Variants in SPAG16 observed in about 807,000 individuals in gnomAD.
SPAG16 encodes sperm-associated antigen 16 protein.
In SPAG16, 86 loss-of-function variants were observed where a neutral mutation model predicts 80.4. The observed-to-expected ratio is 1.07, with a 90% CI of 0.90 to 1.28. The LOEUF is 1.28. SPAG16 is among the 50% of genes most tolerant of loss of function. The pLI is 0.00. For synonymous variants in SPAG16, 294 were observed against 265.9 expected, an observed-to-expected ratio of 1.11 and a Z score of -1.03; for missense variants, 870 against 765.3, an observed-to-expected ratio of 1.14 and a Z score of -1.61.
chr2:213,715,864 G>T (rs555779828), intron 10 of SPAG16, among the ~76,000 whole-genome samples: 4 of 152,074 alleles, frequency 2.6e-5, no homozygotes, highest in Non-Finnish European at 4.4e-5. Context: ...ATTTTGTCAT[G>T]ATGCAAGTGA....
At chr2:214,053,733 A>G (rs1043400793) in intron 13 of SPAG16, among the ~76,000 whole-genome samples, 2 of 152,214 alleles carry the variant, frequency 1.3e-5, no homozygotes, top group Admixed American at 6.5e-5. Flanking sequence ...AAACAGAGGC[A>G]GAAAGAAGTA....
chr2:213,544,935 G>C (rs1244950317), intron 10 of SPAG16, among the ~76,000 whole-genome samples: 2 of 152,092 alleles, frequency 1.3e-5, no homozygotes, highest in Non-Finnish European at 2.9e-5. Flanking sequence ...AGGACAGCTT[G>C]GTTGCTTCCA....
intron 13 of SPAG16, among the ~76,000 whole-genome samples, chr2:214,024,318 A>G (rs1354973555): frequency 2.0e-5 from 3 of 151,682 alleles, no homozygotes; most frequent in African/African-American, 7.2e-5. Context: ...TTTATTCATT[A>G]CTGAAATGGC....
At position 213,326,133 on chromosome 2, in the gene SPAG16, A is replaced by C. The variant is rs547566440; in HGVS notation, c.536+8777A>C. The stretch of plus-strand genomic sequence containing the variant: ...AAAGGCTTTGTTGAGAGCCCTGAAG[A>C]AAATAATACTGATTGGGATTACTAA... On this transcript the variant is annotated intron_variant, in intron 5 of 15. Transcript: ENST00000331683. Among the ~76,000 whole-genome samples, 3 of 152,154 alleles carry C rather than the reference A, an allele frequency of 2.0e-5. No homozygotes were observed. In the South Asian group the frequency reaches 6.2e-4, roughly 31 times the overall value.
chr2:213,908,575 T>A (rs1165472994), intron 11 of SPAG16, among the ~76,000 whole-genome samples: 1 of 152,170 alleles, frequency 6.6e-6, no homozygotes, highest in African/African-American at 2.4e-5. Flanking sequence ...ACCTCTCTCA[T>A]TCGACGAGAA....
At chr2:214,199,766 A>G (rs956543788) in intron 15 of SPAG16, among the ~76,000 whole-genome samples, 10 of 152,080 alleles carry the variant, frequency 6.6e-5, no homozygotes, top group African/African-American at 2.2e-4. Context: ...TGTATCATCT[A>G]TGATTTCTTT....
chr2:213,674,332 T>G (rs891068416), intron 10 of SPAG16, among the ~76,000 whole-genome samples: 1 of 152,134 alleles, frequency 6.6e-6, no homozygotes, highest in African/African-American at 2.4e-5. Flanking sequence ...AAAGTCATTG[T>G]AATCTAAAAT....
At chr2:214,198,313 T>C (rs977542037) in intron 15 of SPAG16, among the ~76,000 whole-genome samples, 1 of 152,104 alleles carries the variant, frequency 6.6e-6, no homozygotes, top group Non-Finnish European at 1.5e-5. Flanking sequence ...TGCATACTCA[T>C]AGTTTAGCTT....
intron 10 of SPAG16, among the ~76,000 whole-genome samples, chr2:213,828,817 G>C (rs566086900): frequency 2.6e-4 from 39 of 152,178 alleles, no homozygotes; most frequent in Non-Finnish European, 4.7e-4. Context: ...TCTTGGATAA[G>C]ATTCAAAAGA....
intron 15 of SPAG16, among the ~76,000 whole-genome samples, chr2:214,317,357 C>T (rs1000351694): frequency 6.6e-6 from 1 of 152,172 alleles, no homozygotes; most frequent in Admixed American, 6.5e-5. Flanking sequence ...GCACATACTC[C>T]ATTGAAAACA....
intron 5 of SPAG16, among the ~76,000 whole-genome samples, chr2:213,328,680 A>T (rs529463806): frequency 6.6e-6 from 1 of 151,996 alleles, no homozygotes; most frequent in Non-Finnish European, 1.5e-5. Flanking sequence ...CTCTTTGTCC[A>T]TCCTCTGTGT....
At chr2:213,911,518 G>A (rs996338195) in intron 11 of SPAG16, among the ~76,000 whole-genome samples, 4 of 152,174 alleles carry the variant, frequency 2.6e-5, no homozygotes, top group African/African-American at 9.7e-5. Context: ...TGAAGAGCAT[G>A]TAATACGTGT....
chr2:213,492,077 ATTTC>A (rs1224642714), intron 10 of SPAG16, among the ~76,000 whole-genome samples: 1 of 151,930 alleles, frequency 6.6e-6, no homozygotes, highest in Non-Finnish European at 1.5e-5. Flanking sequence ...TTATACTACT[ATTTC>A]TTTTTTTGCT....
chr2:214,068,136 G>T (rs1371590568), intron 13 of SPAG16, among the ~76,000 whole-genome samples: 1 of 152,054 alleles, frequency 6.6e-6, no homozygotes, highest in Non-Finnish European at 1.5e-5. Flanking sequence ...TTAATTTCTG[G>T]TGTCTATCAA....
chr2:214,198,258 C>T (rs1645287126), intron 15 of SPAG16, among the ~76,000 whole-genome samples: 1 of 151,956 alleles, frequency 6.6e-6, no homozygotes, highest in African/African-American at 2.4e-5. Flanking sequence ...TACCCTTCCC[C>T]CACCCACTGA....
intron 9 of SPAG16, among the ~76,000 whole-genome samples, chr2:213,379,324 C>T (rs1050198616): frequency 6.6e-6 from 1 of 152,156 alleles, no homozygotes; most frequent in African/African-American, 2.4e-5. Context: ...AGAACTTTGC[C>T]TCAGCCTAGT....
At chr2:214,022,852 T>C (rs913953985) in intron 13 of SPAG16, among the ~76,000 whole-genome samples, 3 of 152,098 alleles carry the variant, frequency 2.0e-5, no homozygotes, top group Non-Finnish European at 4.4e-5. Flanking sequence ...TAGTACAGAA[T>C]TGTTACTAAA....
chr2:213,746,798 C>A (rs570715274), intron 10 of SPAG16, among the ~76,000 whole-genome samples: 7 of 152,038 alleles, frequency 4.6e-5, no homozygotes, highest in African/African-American at 1.7e-4. Context: ...CAGAGCAAGA[C>A]TCCATTTCAA....
chr2:213,625,691 TGTTTTTGTTTTA>T (rs377699196), intron 10 of SPAG16, among the ~76,000 whole-genome samples: 1,970 of 152,252 alleles, frequency 0.013, 19 homozygotes, highest in South Asian at 0.036. Context: ...TTTTTGTTTT[TGTTTTTGTTTTA>T]GACAGAGTCT....
Sources: gnomAD v4.1 joint callset for allele counts (sites outside exome capture counted in the v4.1 genomes callset) on GRCh38, gnomAD v4.1.1 for gene constraint, MANE v1.5 for transcripts, NCBI Gene and HGNC (gene_info 2026-07-23, HGNC 2026-07-21) for gene names.